PLEKHG1: variants seen among roughly 807,000 people sequenced by gnomAD.
PLEKHG1 encodes pleckstrin homology and RhoGEF domain containing G1.
Under a neutral mutation model 100.8 loss-of-function variants are expected in PLEKHG1, and 44 were observed. The ratio of observed to expected loss-of-function variants is 0.44; its 90% CI spans 0.34 to 0.56. The LOEUF is 0.56. Among genes scored for constraint, PLEKHG1 ranks in the 20% least tolerant of loss-of-function variants. The pLI, the probability that PLEKHG1 is intolerant of heterozygous loss-of-function variation, is 0.01. For missense variants in PLEKHG1, 1,545 were observed against 1,720.9 expected (o/e 0.90, Z 1.81); for synonymous variants, 640 against 662.5 (o/e 0.97, Z 0.52).
At chr6:150,690,803 G>T (rs537491169) in intron 3 of PLEKHG1, among the ~76,000 whole-genome samples, 1 of 152,322 alleles carries the variant, frequency 6.6e-6, no homozygotes, top group South Asian at 2.1e-4. Flanking sequence ...TTGGTTTGTT[G>T]AGTGAAATCA....
chr6:150,716,706 T>C (rs1781460529), upstream of PLEKHG1, among the ~76,000 whole-genome samples: 1 of 152,228 alleles, frequency 6.6e-6, no homozygotes, highest in African/African-American at 2.4e-5. Context: ...GGATAGTTCC[T>C]TGGAAGGATG....
intron 1 of PLEKHG1, among the ~76,000 whole-genome samples, chr6:150,731,167 C>T (rs566886623): frequency 5.3e-5 from 8 of 152,334 alleles, no homozygotes; most frequent in East Asian, 3.9e-4. Context: ...CCTAAATGCA[C>T]GGCTGCTGAT....
intron 3 of PLEKHG1, among the ~76,000 whole-genome samples, chr6:150,703,704 A>G (rs1780895435): frequency 6.6e-6 from 1 of 152,098 alleles, no homozygotes; most frequent in Non-Finnish European, 1.5e-5. Flanking sequence ...GTTAAATTGT[A>G]CCTTAATTTG....
chr6:150,698,366 T>C, intron 3 of PLEKHG1, among the ~76,000 whole-genome samples: 1 of 152,214 alleles, frequency 6.6e-6, no homozygotes, highest in East Asian at 1.9e-4. Context: ...GCTCAAGCGG[T>C]ACCTCAGGTT....
chr6:150,821,396 A>T (rs12198258), intron 13 of PLEKHG1, among the ~76,000 whole-genome samples, 163 bp downstream of exon 14: 4 of 152,236 alleles, frequency 2.6e-5, no homozygotes, highest in Non-Finnish European at 4.4e-5. Flanking sequence ...TAAAATATAT[A>T]GTCAAAGCCA....
chr6:150,723,242 CG>C (rs1374941623), intron 1 of PLEKHG1, among the ~76,000 whole-genome samples: 3 of 134,492 alleles, frequency 2.2e-5, no homozygotes, highest in African/African-American at 2.7e-5. Context: ...GTACAAACCC[CG>C]GGGGGTGCAG....
At chr6:150,720,855 A>G (rs1455212117), upstream of PLEKHG1, among the ~76,000 whole-genome samples, 1 of 152,214 alleles carries the variant, frequency 6.6e-6, no homozygotes, top group African/African-American at 2.4e-5. Flanking sequence ...ATGTTCACAA[A>G]AGAATGGAAG....
Position 150,674,684 on chromosome 6 carries a change from C to CTCTCTCTCTCTCTCT in PLEKHG1, c.-99+23898_-99+23899insTCTCTCTCTCTCTCT, listed in dbSNP as rs1562427910. On this transcript the variant is annotated intron_variant, in intron 3 of 3. Transcript: ENST00000367326. The stretch of plus-strand genomic sequence containing the variant: ...CTCTCTCTCTCTCTCTCTCTCTCTC[C>CTCTCTCTCTCTCTCT]CCCCTCTTCTCTTCTTTCCATGGAG... Among the ~76,000 whole-genome samples the CTCTCTCTCTCTCTCT allele has an allele frequency of 1.4e-4, 10 of 73,352 alleles. 1 individual carries two copies. Among genetic ancestry groups the CTCTCTCTCTCTCTCT allele is most frequent in the Non-Finnish European group, 2.1e-4 (8 of 37,672 alleles). The allele number at this position is 73,352 out of a possible 152,430, so 48.1% of individuals were successfully genotyped here.
intron 1 of PLEKHG1, among the ~76,000 whole-genome samples, chr6:150,729,768 G>T (rs2128614966): frequency 6.6e-6 from 1 of 152,240 alleles, no homozygotes; most frequent in South Asian, 2.1e-4. Flanking sequence ...GAAAATGCCT[G>T]GTTGGCAGCC....
exon 4 of PLEKHG1, chr6:150,786,413 A>G (rs138016274): frequency 5.6e-6 from 9 of 1,613,086 alleles, no homozygotes; most frequent in Non-Finnish European, 7.6e-6. Flanking sequence ...GATTTGGAAA[A>G]CTGTGAAAAT....
chr6:150,643,944 A>G (rs550846322), intron 2 of PLEKHG1, among the ~76,000 whole-genome samples: 1 of 152,186 alleles, frequency 6.6e-6, no homozygotes, highest in Non-Finnish European at 1.5e-5. Context: ...GCAAATATCA[A>G]ATTAGAAATT....
At chr6:150,760,577 C>T (rs1014722981) in intron 2 of PLEKHG1, among the ~76,000 whole-genome samples, 94 of 148,936 alleles carry the variant, frequency 6.3e-4, no homozygotes, top group Non-Finnish European at 1.0e-3. Context: ...ACATAGTCTT[C>T]GAAGACTTTG....
chr6:150,682,417 T>C (rs994842906), intron 3 of PLEKHG1, among the ~76,000 whole-genome samples: 1 of 151,890 alleles, frequency 6.6e-6, no homozygotes, highest in African/African-American at 2.4e-5. Context: ...GGGGGTCATT[T>C]TGTTCCTCAA....
chr6:150,836,529 C>G (rs1184584893), intron 15 of PLEKHG1, among the ~76,000 whole-genome samples: 1 of 152,120 alleles, frequency 6.6e-6, no homozygotes, highest in Non-Finnish European at 1.5e-5. Flanking sequence ...AGACCAAAAG[C>G]TCAGAGGCCA....
chr6:150,766,270 A>C (rs1583084637), intron 2 of PLEKHG1, among the ~76,000 whole-genome samples: 1 of 152,214 alleles, frequency 6.6e-6, no homozygotes, highest in Non-Finnish European at 1.5e-5. Flanking sequence ...TGTTAACAGC[A>C]GGGTAACCAT....
chr6:150,756,853 C>T (rs1377492769), intron 2 of PLEKHG1, among the ~76,000 whole-genome samples: 1 of 152,154 alleles, frequency 6.6e-6, no homozygotes, highest in Non-Finnish European at 1.5e-5. Flanking sequence ...AGACCAGTTG[C>T]TGTGAGATAA....
chr6:150,676,350 A>C (rs1779757543), intron 3 of PLEKHG1, among the ~76,000 whole-genome samples: 2 of 152,266 alleles, frequency 1.3e-5, no homozygotes, highest in African/African-American at 4.8e-5. Context: ...ATCTGAAAAT[A>C]ACACTCAAAT....
rs543214712 is a variant in PLEKHG1, at chr6:150,803,319, A to T, written c.781-1291A>T. ...AAATGTCACAAGAACCATCTAATTG[A>T]TTACAATGTTTTCTTACTGTTTTAG... On this transcript the variant is annotated intron_variant, in intron 6 of 15. Transcript: ENST00000358517. Among the ~76,000 whole-genome samples, 228 of 152,292 alleles carry T rather than the reference A, an allele frequency of 1.5e-3. 1 individual carries two copies. The highest frequency in any genetic ancestry group is 5.6e-3 in the South Asian group (27 of 4,816).
At chr6:150,626,806 G>GTGTGTA (rs1003846970) in intron 1 of PLEKHG1, among the ~76,000 whole-genome samples, 4 of 152,294 alleles carry the variant, frequency 2.6e-5, no homozygotes, top group East Asian at 1.9e-4. Flanking sequence ...CACACTGTGT[G>GTGTGTA]TGTGTATGTG....
Sources: allele counts gnomAD v4.1 joint callset (sites outside exome capture counted in the v4.1 genomes callset), GRCh38; gene constraint gnomAD v4.1.1; transcripts MANE v1.5; gene names NCBI Gene and HGNC (gene_info 2026-07-23, HGNC 2026-07-21).